The following PDE4D variants were observed in gnomAD, a reference collection of about 807,000 sequenced individuals.
The protein encoded by PDE4D is 3',5'-cyclic-AMP phosphodiesterase 4D.
PDE4D carries 24 observed loss-of-function variants against 87.4 expected under a neutral mutation model. The ratio of observed to expected loss-of-function variants is 0.27; its 90% CI spans 0.20 to 0.39. The LOEUF (loss-of-function observed/expected upper bound fraction) is 0.39. Among genes scored for constraint, PDE4D ranks in the 10% least tolerant of loss-of-function variants. PDE4D has a pLI of 1.00. For synonymous variants in PDE4D, 384 were observed against 383.2 expected (o/e 1.00, Z -0.02); for missense variants, 714 against 1,041.0 (o/e 0.69, Z 4.32).
At chr5:59,578,464 C>A (rs1457807042) in intron 1 of PDE4D, among the ~76,000 whole-genome samples, 1 of 152,312 alleles carries the variant, frequency 6.6e-6, no homozygotes. Flanking sequence ...CATCTCTACT[C>A]ATTTCCCTGA....
intron 1 of PDE4D, among the ~76,000 whole-genome samples, chr5:59,824,122 T>C (rs902284851): frequency 6.6e-6 from 1 of 152,242 alleles, no homozygotes; most frequent in African/African-American, 2.4e-5. Context: ...GTAATTTTTC[T>C]AGTAGCCACA....
chr5:59,990,602 G>T (rs1040328190), intron 2 of PDE4D, among the ~76,000 whole-genome samples: 1 of 152,144 alleles, frequency 6.6e-6, no homozygotes, highest in Non-Finnish European at 1.5e-5. Context: ...TAAATTCTGA[G>T]AATCTGTGCT....
chr5:59,017,085 G>C (rs995771048), intron 6 of PDE4D, among the ~76,000 whole-genome samples: 6 of 152,152 alleles, frequency 3.9e-5, no homozygotes, highest in Non-Finnish European at 7.3e-5. Flanking sequence ...AACAAAGGCT[G>C]AGTAACACAG....
intron 2 of PDE4D, among the ~76,000 whole-genome samples, chr5:60,154,418 A>G (rs1781784572): frequency 6.6e-6 from 1 of 152,046 alleles, no homozygotes; most frequent in South Asian, 2.1e-4. Context: ...CTGGGATTAC[A>G]GGTGTCTGCC....
In PDE4D at chr5:59,316,139, C is replaced by A. The variant is rs150104091; in HGVS notation, c.456-100171G>T. ...ACTCACCTCCCGTAACATTTAGACT[C>A]TTTATTTCACTTAAATACTTGATCA... On this transcript the variant is annotated intron_variant, in intron 1 of 14. Transcript: ENST00000340635. Among the ~76,000 whole-genome samples, 434 of 152,186 alleles carry A rather than the reference C, an allele frequency of 2.9e-3. 3 individuals carry two copies. The highest frequency in any genetic ancestry group is 0.01 in the African/African-American group (418 of 41,526).
intron 1 of PDE4D, among the ~76,000 whole-genome samples, chr5:59,392,180 G>A (rs942820572): frequency 6.6e-6 from 1 of 151,610 alleles, no homozygotes; most frequent in Non-Finnish European, 1.5e-5. Flanking sequence ...TGTCTGTGAG[G>A]GTGTTGCCAA....
At chr5:59,061,297 G>A (rs541045227) in intron 5 of PDE4D, among the ~76,000 whole-genome samples, 8 of 152,050 alleles carry the variant, frequency 5.3e-5, no homozygotes, top group African/African-American at 1.2e-4. Context: ...TCATATGGTC[G>A]GAGCACAAAC....
chr5:60,276,522 T>G (rs13169609), intron 1 of PDE4D, among the ~76,000 whole-genome samples: 3,712 of 135,318 alleles, frequency 0.027, 69 homozygotes, highest in Non-Finnish European at 0.039. Context: ...GCAGCCATAC[T>G]TTAGCATTCA....
chr5:59,410,086 T>C (rs1301327636), intron 1 of PDE4D, among the ~76,000 whole-genome samples: 1 of 152,204 alleles, frequency 6.6e-6, no homozygotes, highest in East Asian at 1.9e-4. Flanking sequence ...ATTCCAATTA[T>C]ATTCTTTTAG....
intron 1 of PDE4D, among the ~76,000 whole-genome samples, chr5:59,823,454 C>T (rs552217150): frequency 2.0e-5 from 3 of 152,234 alleles, no homozygotes; most frequent in African/African-American, 7.2e-5. Context: ...CCCAGCAAAG[C>T]TTTAGCCAAG....
chr5:60,480,675 A>G (rs1190248908), intron 1 of PDE4D, among the ~76,000 whole-genome samples: 1 of 152,168 alleles, frequency 6.6e-6, no homozygotes, highest in African/African-American at 2.4e-5. Context: ...TAATTGCTAC[A>G]CTATGCTGAG....
In PDE4D at chr5:59,275,336, A is replaced by T. The variant is rs773257327; in HGVS notation, c.456-59368T>A. The T allele has an allele frequency of 4.4e-6, 7 of 1,593,752 alleles. No individual in the cohort carries two copies. In the Admixed American group the frequency reaches 1.0e-4, roughly 23 times the overall value. On this transcript the variant is annotated intron_variant, in intron 1 of 14. Transcript: ENST00000340635. ...GAAAAGCATGAGAGAAAAGAACGTT[A>T]CCAAACTGCCTCTGCAGTCCTTAGG...
At position 59,587,487 on chromosome 5, in the gene PDE4D, C is replaced by T. The variant is rs1324609048; in HGVS notation, c.455+305681G>A. 3.0e-6 allele frequency: 3 copies of T among 985,310 alleles called. No homozygotes were observed. In the African/African-American group the frequency reaches 5.2e-5, roughly 17 times the overall value. The allele number at this position is 985,310 out of a possible 1,614,324, so 61.0% of individuals were successfully genotyped here. On this transcript the variant is annotated intron_variant, in intron 1 of 14. Transcript: ENST00000340635. ...TTTAAAACACAATGGCAACAGGCTC[C>T]TGCTGGAGTCCCCCAGCGCCGAATT...
chr5:59,241,982 T>C (rs1283038083), intron 1 of PDE4D, among the ~76,000 whole-genome samples: 1 of 152,194 alleles, frequency 6.6e-6, no homozygotes, highest in Non-Finnish European at 1.5e-5. Context: ...GACTTTAATA[T>C]TAATATATTC....
At chr5:60,181,706 T>C (rs1416341932) in intron 2 of PDE4D, among the ~76,000 whole-genome samples, 3 of 152,114 alleles carry the variant, frequency 2.0e-5, no homozygotes, top group Non-Finnish European at 2.9e-5. Flanking sequence ...ACTAGAAAAT[T>C]GGGAATTTAA....
intron 5 of PDE4D, among the ~76,000 whole-genome samples, chr5:59,146,776 A>G (rs371188162): frequency 0.017 from 2,622 of 152,304 alleles, 63 homozygotes; most frequent in African/African-American, 0.059. Context: ...GAGAAAAAAA[A>G]TTACCTTTTG....
intron 1 of PDE4D, among the ~76,000 whole-genome samples, chr5:59,398,419 GT>G (rs886067811): frequency 2.2e-5 from 3 of 136,882 alleles, no homozygotes; most frequent in African/African-American, 2.8e-5. Flanking sequence ...TGCAAGGCTG[GT>G]TCAATATACA....
At chr5:60,240,891 T>G (rs1713086178) in intron 1 of PDE4D, among the ~76,000 whole-genome samples, 1 of 152,018 alleles carries the variant, frequency 6.6e-6, no homozygotes, top group South Asian at 2.1e-4. Flanking sequence ...ACCTGGAAAG[T>G]CTTCCCAAGA....
chr5:60,287,379 G>T lies in PDE4D; in HGVS notation c.-89-101692C>A, dbSNP rs78922935. On this transcript the variant is annotated intron_variant, in intron 1 of 16. Coordinates refer to the PDE4D transcript ENST00000502484. ...ACCCTCGTATTGCTGTGTAGGAGAG[G>T]CGCCCCCTTCAGGCCTTAGGGCACC... Among the ~76,000 whole-genome samples, 1,827 of 152,278 alleles carry T rather than the reference G, an allele frequency of 0.012. 62 individuals are homozygous for T. In the East Asian group the frequency reaches 0.13, roughly 11 times the overall value.
Sources: gnomAD v4.1 joint callset for allele counts (sites outside exome capture counted in the v4.1 genomes callset) on GRCh38, gnomAD v4.1.1 for gene constraint, MANE v1.5 for transcripts, NCBI Gene and HGNC (gene_info 2026-07-23, HGNC 2026-07-21) for gene names.